NEDD9: variants seen among roughly 807,000 people sequenced by gnomAD.
NEDD9 encodes enhancer of filamentation 1.
A neutral mutation model predicts 76.6 loss-of-function variants in NEDD9; 26 were observed. The ratio of observed to expected loss-of-function variants is 0.34; its 90% CI spans 0.25 to 0.47. The LOEUF is 0.47. Ranked by LOEUF, NEDD9 falls within the 20% of genes least tolerant of loss-of-function variation. The probability of loss-of-function intolerance (pLI) is 1.00; values close to 1 mark genes in which losing one functional copy is unlikely to be tolerated. For synonymous variants in NEDD9, 392 were observed against 414.2 expected (o/e 0.95, Z 0.65); for missense variants, 937 against 1,058.5 (o/e 0.89, Z 1.59).
intron 3 of NEDD9, among the ~76,000 whole-genome samples, chr6:11,264,472 G>C (rs1315268755): frequency 6.6e-6 from 1 of 152,202 alleles, no homozygotes; most frequent in African/African-American, 2.4e-5. Flanking sequence ...GTTGTTCCTT[G>C]AGTAAGAAAG....
At chr6:11,367,624 G>T (rs907411070) in intron 1 of NEDD9, among the ~76,000 whole-genome samples, 1 of 152,164 alleles carries the variant, frequency 6.6e-6, no homozygotes, top group Non-Finnish European at 1.5e-5. Flanking sequence ...GATACAGACT[G>T]TCATTAGGTT....
Position 11,183,472 on chromosome 6 carries a change from A to T in NEDD9, c.*1690T>A, listed in dbSNP as rs1250576062. ...ATACACATTATACAATGAAATCTAC[A>T]AAGACACACTTTTTAACTTCAAGCG... On this transcript the variant is annotated 3_prime_UTR_variant, in exon 7 of 7. Transcript: ENST00000379446. The T allele has an allele frequency of 6.6e-6, 1 of 152,234 alleles. No homozygotes were observed. The highest frequency in any genetic ancestry group is 1.5e-5 in the Non-Finnish European group (1 of 68,040). The allele number at this position is 152,234 out of a possible 1,614,324, so 9.4% of individuals were successfully genotyped here.
At chr6:11,291,852 G>C (rs930806472) in intron 3 of NEDD9, among the ~76,000 whole-genome samples, 1 of 152,170 alleles carries the variant, frequency 6.6e-6, no homozygotes, top group Non-Finnish European at 1.5e-5. Flanking sequence ...AGAAAACTCA[G>C]AATGTCTTGT....
Position 11,190,005 on chromosome 6 carries a change from C to T in NEDD9, c.1864G>A (p.Glu622Lys). The change falls in exon 5 of 7, where the codon GAG (glutamate) becomes AAG (lysine). Residue 622 changes from glutamate to lysine, a missense_variant. Transcript: ENST00000379446. This position sits in a 1 kb window ranked among gnomAD's most constrained non-coding sequence, Gnocchi z 5.8. The part of the protein sequence containing the change: ...APDCSSSDGS[E>K]RSWMDDYDYV... ...TCGTAGTCATCCATCCAGCTCCTCT[C>T]AGAACCATCACTGCTGCTACAGTCA... 1.3e-6 allele frequency: 2 copies of T among 1,529,126 alleles called. No homozygotes were observed. The highest frequency in any genetic ancestry group is 1.8e-6 in the Non-Finnish European group (2 of 1,140,796). The allele number at this position is 1,529,126 out of a possible 1,614,324, so 94.7% of individuals were successfully genotyped here.
chr6:11,188,450 C>G (rs886114140), intron 5 of NEDD9, 143 bp from the exon 6 acceptor site: 5 of 733,730 alleles, frequency 6.8e-6, no homozygotes, highest in Non-Finnish European at 1.2e-5. Context: ...ACTGTGAACC[C>G]TAGACGACAG....
At chr6:11,249,546 G>A (rs1026754665) in intron 3 of NEDD9, among the ~76,000 whole-genome samples, 2 of 152,218 alleles carry the variant, frequency 1.3e-5, no homozygotes, top group Non-Finnish European at 1.5e-5. Context: ...CCATTAGCCA[G>A]ATCTTGGTCA....
chr6:11,340,680 G>T (rs975981925), intron 1 of NEDD9, among the ~76,000 whole-genome samples: 3 of 152,172 alleles, frequency 2.0e-5, no homozygotes, highest in Admixed American at 6.5e-5. Flanking sequence ...CTCAGCCATC[G>T]ACCTTGAATA....
At chr6:11,265,269 G>T (rs2113331993) in intron 3 of NEDD9, among the ~76,000 whole-genome samples, 1 of 152,304 alleles carries the variant, frequency 6.6e-6, no homozygotes, top group South Asian at 2.1e-4. Flanking sequence ...CTTTATATCT[G>T]TTATATGGAC....
At chr6:11,236,146 A>G (rs1260756635), upstream of NEDD9, among the ~76,000 whole-genome samples, 1 of 152,196 alleles carries the variant, frequency 6.6e-6, no homozygotes, top group Non-Finnish European at 1.5e-5. The surrounding 1 kb of genome is among the most constrained non-coding windows in gnomAD (Gnocchi z 5.5). Flanking sequence ...TGCAAAAATG[A>G]TGTTTAAACT....
intron 3 of NEDD9, among the ~76,000 whole-genome samples, chr6:11,287,539 C>T (rs1760677795): frequency 6.6e-6 from 1 of 152,128 alleles, no homozygotes. Flanking sequence ...CACACACACA[C>T]ACACACACAC....
rs887259138 is a variant in NEDD9, at chr6:11,213,278, C to T, written c.459+3G>A. On this transcript the variant is annotated splice_donor_region_variant and intron_variant, in intron 2 of 6. Transcript: ENST00000379446. This position sits in a 1 kb window ranked among gnomAD's most constrained non-coding sequence, Gnocchi z 5.4. Reference sequence around the variant, plus strand: ...ACAAAAATTTAGTTAGTCATTTACTCACCTTTTTACCCACGTGGGGCCCAC... The same window carrying T: ...ACAAAAATTTAGTTAGTCATTTACTTACCTTTTTACCCACGTGGGGCCCAC... The T allele has an allele frequency of 5.7e-6, 9 of 1,583,040 alleles. No individual in the cohort carries two copies. Among genetic ancestry groups the T allele is most frequent in the African/African-American group, 1.4e-5 (1 of 73,584 alleles).
chr6:11,233,197 T>C (rs1384289135), upstream of NEDD9: 1 of 517,616 alleles, frequency 1.9e-6, no homozygotes, highest in Admixed American at 1.9e-5. Flanking sequence ...ACTTTTTGTG[T>C]GTGTGTGACT....
At chr6:11,221,614 T>A (rs1759148067) in intron 1 of NEDD9, among the ~76,000 whole-genome samples, 1 of 152,166 alleles carries the variant, frequency 6.6e-6, no homozygotes, top group African/African-American at 2.4e-5. Flanking sequence ...TCTAGAATTT[T>A]TCCCCACCGG....
intron 3 of NEDD9, among the ~76,000 whole-genome samples, chr6:11,279,236 G>A (rs1450563288): frequency 6.6e-6 from 1 of 152,228 alleles, no homozygotes; most frequent in East Asian, 1.9e-4. Flanking sequence ...AAATAAATGA[G>A]GAATTGCTGC....
At chr6:11,212,132 G>A (rs909160765) in intron 2 of NEDD9, among the ~76,000 whole-genome samples, 10 of 152,216 alleles carry the variant, frequency 6.6e-5, no homozygotes, top group African/African-American at 2.4e-4. Flanking sequence ...CTTGGGGCAG[G>A]ACACATCTAT....
intron 3 of NEDD9, among the ~76,000 whole-genome samples, chr6:11,243,331 T>G (rs2113293662): frequency 6.6e-6 from 1 of 152,226 alleles, no homozygotes; most frequent in East Asian, 1.9e-4. Flanking sequence ...ATACAAGCCT[T>G]GATGATGATG....
chr6:11,337,669 C>T (rs1762190512), intron 1 of NEDD9, among the ~76,000 whole-genome samples: 1 of 152,200 alleles, frequency 6.6e-6, no homozygotes. Context: ...TTCTGTCCAA[C>T]TCCGTCCCTG....
intron 1 of NEDD9, among the ~76,000 whole-genome samples, chr6:11,344,013 G>A (rs1378458699): frequency 6.6e-6 from 1 of 152,216 alleles, no homozygotes; most frequent in Non-Finnish European, 1.5e-5. Context: ...ATTAGGATAA[G>A]GGGGAGAGAA....
At chr6:11,325,241 G>T (rs1382019033) in intron 2 of NEDD9, among the ~76,000 whole-genome samples, 1 of 151,942 alleles carries the variant, frequency 6.6e-6, no homozygotes, top group African/African-American at 2.4e-5. Context: ...TGTAATCCCA[G>T]CTACTCGGGA....
Sources: allele counts gnomAD v4.1 joint callset (sites outside exome capture counted in the v4.1 genomes callset), GRCh38; gene constraint gnomAD v4.1.1; non-coding constraint Gnocchi (gnomAD v3.1); transcripts MANE v1.5; gene names NCBI Gene and HGNC (gene_info 2026-07-23, HGNC 2026-07-21).